NPHP4: variants seen among roughly 807,000 people sequenced by gnomAD.
NPHP4 encodes the protein nephrocystin 4.
NPHP4 carries 151 observed loss-of-function variants against 155.8 expected under a neutral mutation model. That is an observed-to-expected ratio of 0.97 (90% CI 0.85 to 1.11). The LOEUF is 1.11. NPHP4 is among the 50% of genes least tolerant of loss of function. NPHP4 has a pLI of 0.00. For missense variants in NPHP4, 1,956 were observed against 1,925.7 expected, an observed-to-expected ratio of 1.02 and a Z score of -0.29; for synonymous variants, 845 against 816.8, an observed-to-expected ratio of 1.03 and a Z score of -0.59.
At chr1:5,954,827 T>C (rs1648873524) in intron 6 of NPHP4, among the ~76,000 whole-genome samples, 1 of 152,138 alleles carries the variant, frequency 6.6e-6, no homozygotes, top group Non-Finnish European at 1.5e-5. Flanking sequence ...AAAGGATTTT[T>C]TTAAATAAAA....
intron 18 of NPHP4, among the ~76,000 whole-genome samples, chr1:5,885,684 A>G (rs1387762663): frequency 6.6e-6 from 1 of 152,246 alleles, no homozygotes; most frequent in Non-Finnish European, 1.5e-5. Flanking sequence ...AGCAGAATCC[A>G]GGCCGAGGCC....
In NPHP4 at chr1:5,878,804, C is replaced by T. The variant is rs74051400; in HGVS notation, c.2611+1310G>A. On this transcript the variant is annotated intron_variant, in intron 19 of 29. Coordinates refer to ENST00000378156, the MANE Select transcript of NPHP4 (RefSeq NM_015102.5). The stretch of plus-strand genomic sequence containing the variant: ...GGTTTTATCAATAACCTCAGCCTGG[C>T]TCCTGGAGCTCAGGGACTTCTCTCT... Among the ~76,000 whole-genome samples, 377 of 152,302 alleles carry T rather than the reference C, an allele frequency of 2.5e-3. 2 individuals are homozygous for T. Among genetic ancestry groups the T allele is most frequent in the African/African-American group, 8.7e-3 (362 of 41,570 alleles).
rs779934753 is a variant in NPHP4, at chr1:5,890,843, G to A, written c.2304+25C>T. 2 of 1,600,162 alleles carry A rather than the reference G, an allele frequency of 1.2e-6. No homozygotes were observed. The highest frequency in any genetic ancestry group is 2.3e-5 in the East Asian group (1 of 44,378). On this transcript the variant is annotated intron_variant, in intron 17 of 29. Transcript: ENST00000378156. This position sits in a 1 kb window ranked among gnomAD's most constrained non-coding sequence, Gnocchi z 4.9. ...CCATGAGGGACGCAGCACCCACTGT[G>A]CCTGTCCTTCCAGAGAGCCGCTACC...
chr1:5,956,147 T>TCA (rs1557830053), intron 6 of NPHP4, among the ~76,000 whole-genome samples: 1 of 150,400 alleles, frequency 6.6e-6, no homozygotes, highest in Non-Finnish European at 1.5e-5. Flanking sequence ...TTAGGAAAGA[T>TCA]CACTTGTGTG....
At chr1:5,966,588 C>A (rs967512764) in intron 5 of NPHP4, among the ~76,000 whole-genome samples, 1 of 152,138 alleles carries the variant, frequency 6.6e-6, no homozygotes, top group Non-Finnish European at 1.5e-5. Context: ...CACATGACAT[C>A]CCCTTCGAGG....
In NPHP4 at chr1:5,948,124, G is replaced by C. The variant is rs1227355399; in HGVS notation, c.938C>G (p.Ala313Gly). Residue 313 changes from alanine to glycine, a missense_variant, in exon 8 of 30, where the codon GCC becomes GGC. Transcript: ENST00000378156. The stretch of plus-strand genomic sequence containing the variant: ...GCTGAAGCTAGCTGAGCGCGTCAAG[G>C]CCACATCCATCTCAGGCACCAGTAC... ...VVVLVPEMDV[A>G]LTRSASFSRK... 1 of 1,613,764 alleles carries C rather than the reference G, an allele frequency of 6.2e-7. No homozygotes were observed. Among genetic ancestry groups the C allele is most frequent in the South Asian group, 1.1e-5 (1 of 91,074 alleles).
intron 27 of NPHP4, chr1:5,864,804 G>A: frequency 1.9e-6 from 1 of 537,426 alleles, no homozygotes; most frequent in East Asian, 2.9e-5. Context: ...TGGCACCAGG[G>A]GCCGCCCTCC....
chr1:5,898,640 G>A (rs922757873), intron 16 of NPHP4, among the ~76,000 whole-genome samples: 3 of 152,232 alleles, frequency 2.0e-5, no homozygotes, highest in Non-Finnish European at 4.4e-5. Context: ...CCATCTACGC[G>A]CATTCACTCA....
At chr1:5,888,306 G>C (rs1356951327) in intron 17 of NPHP4, 1 of 984,122 alleles carries the variant, frequency 1.0e-6, no homozygotes, top group Non-Finnish European at 1.2e-6. Context: ...CTGTGCCCCA[G>C]GCGTGGCTGG....
intron 12 of NPHP4, among the ~76,000 whole-genome samples, chr1:5,908,919 C>T (rs1645041332): frequency 6.6e-6 from 1 of 152,202 alleles, no homozygotes; most frequent in African/African-American, 2.4e-5. Flanking sequence ...CCCCATACAG[C>T]AGCATAGGGG....
intron 23 of NPHP4, among the ~76,000 whole-genome samples, chr1:5,869,366 GCA>G (rs1236582934): frequency 6.7e-6 from 1 of 149,914 alleles, no homozygotes; most frequent in East Asian, 2.0e-4. Context: ...ACACATGCAT[GCA>G]CACACACATG....
intron 8 of NPHP4, among the ~76,000 whole-genome samples, chr1:5,947,779 G>A (rs1025478869): frequency 4.6e-5 from 7 of 152,248 alleles, no homozygotes; most frequent in Middle Eastern, 3.4e-3. Flanking sequence ...CACAGGGCAC[G>A]CCTAGAAGGC....
At chr1:5,904,043 C>G (rs939059815) in intron 16 of NPHP4, among the ~76,000 whole-genome samples, 1 of 152,194 alleles carries the variant, frequency 6.6e-6, no homozygotes, top group Non-Finnish European at 1.5e-5. Flanking sequence ...TATGTTACCA[C>G]CAGGATACAA....
rs145956570 is a variant in NPHP4 at position 5,893,415 on chromosome 1, G to A, written c.2144-2387C>T. Reference sequence around the variant, plus strand: ...TGATAGGTAAGGTCACGCGGGTCACGTGTCCACTGGACAGGGGGACCTTTC... The same window carrying A: ...TGATAGGTAAGGTCACGCGGGTCACATGTCCACTGGACAGGGGGACCTTTC... On this transcript the variant is annotated intron_variant, in intron 16 of 29. Coordinates refer to ENST00000378156, the MANE Select transcript of NPHP4 (RefSeq NM_015102.5). Among the ~76,000 whole-genome samples, 26 of 152,306 alleles carry A rather than the reference G, an allele frequency of 1.7e-4. 1 individual carries two copies. The East Asian group carries it at 5.0e-3, about 29-fold the overall frequency.
intron 6 of NPHP4, among the ~76,000 whole-genome samples, chr1:5,959,341 T>C (rs559251809): frequency 3.0e-4 from 45 of 152,328 alleles, no homozygotes; most frequent in Non-Finnish European, 5.6e-4. Flanking sequence ...TTCCGAAGCA[T>C]GGCTTTTAAG....
intron 9 of NPHP4, among the ~76,000 whole-genome samples, chr1:5,943,128 G>A (rs935108743): frequency 1.3e-5 from 2 of 152,198 alleles, no homozygotes; most frequent in African/African-American, 4.8e-5. Context: ...GGTCTGGACA[G>A]GAGGGACTAC....
At position 5,880,131 on chromosome 1, in the gene NPHP4, G is replaced by A. The variant is rs368898819; in HGVS notation, c.2594C>T (p.Thr865Met). 98 of 1,613,538 alleles carry A rather than the reference G, an allele frequency of 6.1e-5. No individual in the cohort carries two copies. The highest frequency in any genetic ancestry group is 7.3e-5 in the Non-Finnish European group (86 of 1,179,758). ...ASRFSGGSLL[T>M]TGSSRRKHVV... ...AAACTCACGCCTTGAGCTTCCAGTC[G>A]TGAGGAGGCTGCCTCCAGAGAAGCG... The change falls in exon 19 of 30, where the codon ACG becomes ATG. Residue 865 changes from threonine to methionine, a missense_variant. Coordinates refer to ENST00000378156, the MANE Select transcript of NPHP4 (RefSeq NM_015102.5).
Position 5,874,630 on chromosome 1 carries a change from C to T in NPHP4, c.3072G>A (p.Arg1024=). ...LSVIVDSQEW[R]DFKGAAGLHT... is the part of the protein sequence containing the mutation. ...GCAGGCCAGCAGCACCCTTGAAGTC[C>T]CTCCACTCCTGACTGTCCACGATGA... The change falls in exon 22 of 30, where the codon AGG becomes AGA. Residue 1024 remains arginine, a synonymous_variant. Transcript: ENST00000378156. 6.2e-7 allele frequency: 1 copy of T among 1,612,146 alleles called. No homozygotes were observed. The highest frequency in any genetic ancestry group is 1.3e-5 in the African/African-American group (1 of 74,958).
In NPHP4 at chr1:5,947,184, C is replaced by G; in HGVS notation, c.1039G>C (p.Glu347Gln). ...LVLRSRLRLP[E>Q]MVGHPAFAVI... Reference sequence around the variant, plus strand: ...GCAAATGCAGGGTGGCCGACCATCTCTGGGAGGCGGAGGCGGCTTCTCAAA... The same window carrying G: ...GCAAATGCAGGGTGGCCGACCATCTGTGGGAGGCGGAGGCGGCTTCTCAAA... The change falls in exon 9 of 30, where the codon GAG becomes CAG. Residue 347 changes from glutamate (E) to glutamine (Q), a missense_variant. Glu to Gln is a conservative substitution (Grantham distance 29). Transcript: ENST00000378156. 6.2e-7 allele frequency: 1 copy of G among 1,613,932 alleles called. No homozygotes were observed. The highest frequency in any genetic ancestry group is 8.5e-7 in the Non-Finnish European group (1 of 1,179,848).
Sources: gnomAD v4.1 joint callset for allele counts (sites outside exome capture counted in the v4.1 genomes callset) on GRCh38, gnomAD v4.1.1 for gene constraint, Gnocchi (gnomAD v3.1) non-coding constraint, MANE v1.5 for transcripts, NCBI Gene and HGNC (gene_info 2026-07-23, HGNC 2026-07-21) for gene names.